Variants in MLKL observed in about 807,000 individuals in gnomAD.
The protein encoded by MLKL is mixed lineage kinase domain-like protein.
MLKL carries 55 observed loss-of-function variants against 56.5 expected under a neutral mutation model. That is an observed-to-expected ratio of 0.97 (90% CI 0.78 to 1.22). The LOEUF is 1.22. Among genes scored for constraint, MLKL ranks in the 50% most tolerant of loss-of-function variants. The pLI is 0.00. For synonymous variants in MLKL, 251 were observed against 208.3 expected, an observed-to-expected ratio of 1.20 and a Z score of -1.76; for missense variants, 694 against 573.9, an observed-to-expected ratio of 1.21 and a Z score of -2.14.
intron 2 of MLKL, among the ~76,000 whole-genome samples, chr16:74,694,936 G>A (rs1960932131): frequency 6.6e-6 from 1 of 152,054 alleles, no homozygotes; most frequent in Non-Finnish European, 1.5e-5. Flanking sequence ...GCAGTGGCGC[G>A]ATCTCAGCTC....
At position 74,682,728 on chromosome 16, in the gene MLKL, C is replaced by T; in HGVS notation, c.879G>A (p.Glu293=). Residue 293 remains glutamate (E), a synonymous_variant, in exon 6 of 11, where the codon GAG becomes GAA. Transcript: ENST00000308807. Reference sequence around the variant, plus strand: ...TGAGGTCTTTTTCCCTATCCAACAGCTCCCTCAGGGTCCCGAGTTCACAGT... The same window carrying T: ...TGAGGTCTTTTTCCCTATCCAACAGTTCCCTCAGGGTCCCGAGTTCACAGT... ...MEYCELGTLR[E]LLDREKDLTL... 1 of 1,614,158 alleles carries T rather than the reference C, an allele frequency of 6.2e-7. No individual in the cohort carries two copies.
At chr16:74,695,181 G>A in intron 2 of MLKL, 117 bp downstream of exon 2, 1 of 1,124,838 alleles carries the variant, frequency 8.9e-7, no homozygotes, top group Non-Finnish European at 1.3e-6. Flanking sequence ...TAGGAGTTTT[G>A]AGGTACAAGT....
intron 6 of MLKL, among the ~76,000 whole-genome samples, chr16:74,681,799 G>GA (rs1161558845): frequency 2.8e-5 from 4 of 143,484 alleles, no homozygotes; most frequent in African/African-American, 1.0e-4. Context: ...ATCTCAAGAA[G>GA]AAAAAAAAAG....
At chr16:74,697,688 TG>T (rs1296657149) in intron 1 of MLKL, among the ~76,000 whole-genome samples, 3 of 151,846 alleles carry the variant, frequency 2.0e-5, no homozygotes, top group East Asian at 3.9e-4. Flanking sequence ...AAAAATTAGC[TG>T]GGACCTGTAG....
In MLKL at chr16:74,674,073, C is replaced by G. The variant is rs145802413; in HGVS notation, c.1381+887G>C. Reference sequence around the variant, plus strand: ...GGATAAAACAATGCCCTCTGGAAGCCCTTACACTATTGACATTGGGGCTGC... The same window carrying G: ...GGATAAAACAATGCCCTCTGGAAGCGCTTACACTATTGACATTGGGGCTGC... On this transcript the variant is annotated intron_variant, in intron 10 of 10. Coordinates refer to ENST00000308807, the MANE Select transcript of MLKL (RefSeq NM_152649.4). 7.2e-4 allele frequency among the ~76,000 whole-genome samples: 109 copies of G among 152,172 alleles called. 1 individual carries two copies. Among genetic ancestry groups the G allele is most frequent in the Non-Finnish European group, 4.0e-4 (27 of 68,016 alleles).
intron 9 of MLKL, 75 bp downstream of exon 9, chr16:74,675,280 C>G (rs776798188): frequency 1.2e-6 from 2 of 1,606,516 alleles, no homozygotes; most frequent in Non-Finnish European, 1.7e-6. Context: ...AGGGGCAGCA[C>G]TGATGGGGAA....
intron 5 of MLKL, among the ~76,000 whole-genome samples, chr16:74,683,651 T>G (rs1028610157): frequency 1.3e-5 from 2 of 152,056 alleles, no homozygotes; most frequent in Non-Finnish European, 2.9e-5. Context: ...TCTCCCTTTC[T>G]TGGTATAATT....
chr16:74,691,229 T>A (rs1434341067), intron 4 of MLKL, 48 bp downstream of exon 4: 5 of 1,498,616 alleles, frequency 3.3e-6, no homozygotes, highest in Non-Finnish European at 4.5e-6. Context: ...CCTTGGAGAG[T>A]TAGAGTAAGT....
chr16:74,674,834 TA>T, intron 10 of MLKL, 125 bp downstream of exon 10: 1 of 1,174,884 alleles, frequency 8.5e-7, no homozygotes, highest in Non-Finnish European at 1.2e-6. Flanking sequence ...CAGACATCAC[TA>T]AATGTTCCCC....
chr16:74,692,883 G>A (rs1960757559), intron 2 of MLKL, among the ~76,000 whole-genome samples: 1 of 152,130 alleles, frequency 6.6e-6, no homozygotes, highest in South Asian at 2.1e-4. Context: ...AATCAATCCT[G>A]ATTTATATAC....
At chr16:74,699,868 G>C (rs1189651590) in intron 1 of MLKL, among the ~76,000 whole-genome samples, 1 of 152,138 alleles carries the variant, frequency 6.6e-6, no homozygotes, top group African/African-American at 2.4e-5. Flanking sequence ...TTGAGCCCAT[G>C]AGTTCGGAGG....
intron 1 of MLKL, 147 bp downstream of exon 1, chr16:74,700,306 T>A (rs1196481609): frequency 6.6e-6 from 1 of 152,102 alleles, no homozygotes; most frequent in Non-Finnish European, 1.5e-5. Context: ...AGCTCCACCA[T>A]CAGAGCTGAG....
At chr16:74,696,633 A>AAAAAT (rs1236215820) in intron 1 of MLKL, among the ~76,000 whole-genome samples, 11 of 151,906 alleles carry the variant, frequency 7.2e-5, no homozygotes, top group Non-Finnish European at 1.6e-4. Context: ...CAAAAATAAA[A>AAAAAT]AAAATAAAAT....
Position 74,678,978 on chromosome 16 carries a change from A to C in MLKL, c.959T>G (p.Leu320Arg), listed in dbSNP as rs142142079. 88 of 1,613,732 alleles carry C rather than the reference A, an allele frequency of 5.5e-5. No individual in the cohort carries two copies. The African/African-American group carries it at 9.9e-4, about 18-fold the overall frequency. Residue 320 changes from leucine (L) to arginine (R), a missense_variant and splice_region_variant, in exon 7 of 11, where the codon CTA (leucine) becomes CGA (arginine). By Grantham distance (102) the Leu-to-Arg change is moderately radical (BLOSUM62 -2). Coordinates refer to ENST00000308807, the MANE Select transcript of MLKL (RefSeq NM_152649.4). ...GAGTTCAGGTGCTTCTGAATGGTGTAGCCTGACACAGCCAAAGGCGGGGAG... is the reference window on the plus strand; with the variant it reads ...GAGTTCAGGTGCTTCTGAATGGTGTCGCCTGACACAGCCAAAGGCGGGGAG... ...VLGAARGLYRLHHSEAPELHG... is the reference protein window; with the variant it reads ...VLGAARGLYRRHHSEAPELHG...
chr16:74,681,992 T>A (rs1567605889), intron 6 of MLKL, among the ~76,000 whole-genome samples: 1 of 152,040 alleles, frequency 6.6e-6, no homozygotes. Context: ...ATGCCTGTAA[T>A]CCCAGCACTT....
chr16:74,678,861 C>T, intron 7 of MLKL, 38 bp downstream of exon 7: 1 of 1,501,646 alleles, frequency 6.7e-7, no homozygotes, highest in Non-Finnish European at 9.3e-7. Context: ...ACCAGTCATG[C>T]AGGTTTGACC....
At chr16:74,678,511 T>G in intron 7 of MLKL, 1 of 184,586 alleles carries the variant, frequency 5.4e-6, no homozygotes, top group Non-Finnish European at 1.1e-5. Flanking sequence ...AGGCCGGGCA[T>G]GGTGGCTCAT....
At chr16:74,691,538 A>T in intron 3 of MLKL, 75 bp from the exon 4 acceptor site, 2 of 1,472,688 alleles carry the variant, frequency 1.4e-6, no homozygotes, top group Non-Finnish European at 1.8e-6. Flanking sequence ...GAGGTGGCAT[A>T]TTTGTGATGT....
chr16:74,681,898 A>G (rs1487089981), intron 6 of MLKL, among the ~76,000 whole-genome samples: 2 of 152,184 alleles, frequency 1.3e-5, no homozygotes, highest in Non-Finnish European at 2.9e-5. Flanking sequence ...ATATATATGT[A>G]CAAGCATGCC....
Sources: gnomAD v4.1 joint callset for allele counts (sites outside exome capture counted in the v4.1 genomes callset) on GRCh38, gnomAD v4.1.1 for gene constraint, MANE v1.5 for transcripts, NCBI Gene and HGNC (gene_info 2026-07-23, HGNC 2026-07-21) for gene names.